The following DGKZ variants were observed in gnomAD, a reference collection of about 807,000 sequenced individuals.
The protein encoded by DGKZ is DAG kinase zeta.
In DGKZ, 45 loss-of-function variants were observed where a neutral mutation model predicts 142.5. The ratio of observed to expected loss-of-function variants is 0.32; its 90% CI spans 0.25 to 0.40. DGKZ has a LOEUF of 0.40. DGKZ is among the 10% of genes least tolerant of loss of function. The pLI, the probability that DGKZ is intolerant of heterozygous loss-of-function variation, is 1.00. For synonymous variants in DGKZ, 442 were observed against 527.0 expected, an observed-to-expected ratio of 0.84 and a Z score of 2.21; for missense variants, 755 against 1,306.5, an observed-to-expected ratio of 0.58 and a Z score of 6.51.
At chr11:46,359,515 A>G (rs1405080129) in intron 1 of DGKZ, among the ~76,000 whole-genome samples, 2 of 152,226 alleles carry the variant, frequency 1.3e-5, no homozygotes, top group Admixed American at 1.3e-4. Flanking sequence ...AGTATTTTCC[A>G]ATGACTGGTG....
Position 46,366,921 on chromosome 11 carries a change from G to A in DGKZ, c.162-370G>A, listed in dbSNP as rs1051860677. On this transcript the variant is annotated intron_variant, in intron 1 of 30. Transcript: ENST00000527911. The stretch of plus-strand genomic sequence containing the variant: ...CCCACCCGTGTGCGCCCACTGTCCC[G>A]CAGGCGCCAGGTAGCCCTACGGCGC... The A allele has an allele frequency of 1.9e-6, 3 of 1,544,198 alleles. No individual in the cohort carries two copies. Among genetic ancestry groups the A allele is most frequent in the East Asian group, 2.4e-5 (1 of 41,548 alleles).
At position 46,372,347 on chromosome 11, in the gene DGKZ, A is replaced by C; in HGVS notation, c.928-81A>C. The C allele has an allele frequency of 6.6e-7, 1 of 1,505,546 alleles. No individual in the cohort carries two copies. Among genetic ancestry groups the C allele is most frequent in the Non-Finnish European group, 9.2e-7 (1 of 1,086,308 alleles). The allele number at this position is 1,505,546 out of a possible 1,614,324, so 93.3% of individuals were successfully genotyped here. A position where few individuals can be genotyped will look rare whatever the true frequency, so the allele number is the denominator to read the frequency against. On this transcript the variant is annotated intron_variant, in intron 10 of 30. Coordinates refer to ENST00000527911, the Ensembl canonical transcript of DGKZ. This position sits in a 1 kb window ranked among gnomAD's most constrained non-coding sequence, Gnocchi z 5.9. ...TCACCCCTTATTGGCCCTGGTTCCCACAGTCACACCCCTCTCCCTCTGCTG... is the reference window on the plus strand; with the variant it reads ...TCACCCCTTATTGGCCCTGGTTCCCCCAGTCACACCCCTCTCCCTCTGCTG...
chr11:46,375,595 A>G, exon 20 of DGKZ: 2 of 1,587,994 alleles, frequency 1.3e-6, no homozygotes, highest in South Asian at 1.1e-5. Context: ...ATGGTGCAGA[A>G]GGCCAAGCGG....
At chr11:46,354,908 T>A (rs1590444363) in intron 1 of DGKZ, among the ~76,000 whole-genome samples, 2 of 152,192 alleles carry the variant, frequency 1.3e-5, no homozygotes, top group South Asian at 4.1e-4. Flanking sequence ...CCGATTCCAT[T>A]GTGTAACAGC....
intron 4 of DGKZ, chr11:46,368,870 G>A: frequency 5.7e-6 from 1 of 175,128 alleles, no homozygotes; most frequent in Non-Finnish European, 1.2e-5. Context: ...TGAGGACCAG[G>A]CTGGCTGCGT....
At chr11:46,345,434 A>C (rs1161571594), upstream of DGKZ, 22 of 1,456,428 alleles carry the variant, frequency 1.5e-5, no homozygotes, top group Non-Finnish European at 1.9e-5. The surrounding 1 kb of genome is among the most constrained non-coding windows in gnomAD (Gnocchi z 4.1). Flanking sequence ...GGCTGGCCAC[A>C]GTGCCGGGGG....
chr11:46,349,353 G>T (rs547149031), intron 1 of DGKZ, among the ~76,000 whole-genome samples: 1 of 152,160 alleles, frequency 6.6e-6, no homozygotes. Flanking sequence ...AGGGAGGGGC[G>T]CCACCAGAGG....
upstream of DGKZ, among the ~76,000 whole-genome samples, chr11:46,344,511 T>C (rs1026183872): frequency 4.7e-5 from 7 of 149,750 alleles, no homozygotes; most frequent in African/African-American, 1.7e-4. Context: ...TGGAGTGCAG[T>C]GGCGCGAACT....
At chr11:46,355,266 G>A (rs564570421) in intron 1 of DGKZ, among the ~76,000 whole-genome samples, 41 of 151,716 alleles carry the variant, frequency 2.7e-4, no homozygotes, top group Admixed American at 7.9e-4. Context: ...CCGCCACCAC[G>A]CCCGGCTAAT....
Position 46,374,228 on chromosome 11 carries a change from G to A in DGKZ, c.1398G>A (p.Glu466=), listed in dbSNP as rs770108882. ...CCCACGTCACCCTGGAGTTCCACGA[G>A]TCTCGAGGTTGGCAGCCTCCCACTG... Residue 466 remains glutamate (E), a synonymous_variant, in exon 15 of 31, where the codon GAG becomes GAA. Transcript: ENST00000527911. The A allele has an allele frequency of 1.7e-5, 28 of 1,614,000 alleles. No individual in the cohort carries two copies. Among genetic ancestry groups the A allele is most frequent in the East Asian group, 4.5e-5 (2 of 44,898 alleles).
At chr11:46,368,391 C>G in intron 4 of DGKZ, 2 of 401,626 alleles carry the variant, frequency 5.0e-6, no homozygotes, top group South Asian at 2.0e-5. Context: ...TTAGAAGAGG[C>G]CATTGATTTG....
At chr11:46,379,351 TGGGCCACCCCTATTGCCCCA>T in intron 29 of DGKZ, 98 bp from the exon 30 acceptor site, 1 of 1,572,640 alleles carries the variant, frequency 6.4e-7, no homozygotes, top group East Asian at 2.2e-5. Flanking sequence ...TGTCATCCCC[TGGGCCACCCCTATTGCCCCA>T]GAGCCCTGAA....
At chr11:46,352,572 C>T (rs1425040170) in intron 1 of DGKZ, among the ~76,000 whole-genome samples, 1 of 152,206 alleles carries the variant, frequency 6.6e-6, no homozygotes, top group African/African-American at 2.4e-5. Flanking sequence ...CTGGGACTCC[C>T]GCGCTGGGCT....
intron 6 of DGKZ, among the ~76,000 whole-genome samples, chr11:46,370,503 A>C (rs1943823740): frequency 6.6e-6 from 1 of 152,346 alleles, no homozygotes; most frequent in Admixed American, 6.5e-5. Flanking sequence ...ACTGATTCTC[A>C]GCGCCTGGCC....
chr11:46,376,614 G>T (rs767073739), intron 24 of DGKZ, 50 bp downstream of exon 24: 29 of 1,610,338 alleles, frequency 1.8e-5, no homozygotes, highest in Non-Finnish European at 2.5e-6. Flanking sequence ...GGGCCCCAGG[G>T]TCGCCTCTCC....
Position 46,379,572 on chromosome 11 carries a change from A to G in DGKZ, c.2688+4A>G. On this transcript the variant is annotated splice_donor_region_variant and intron_variant, in intron 30 of 30. Coordinates refer to ENST00000527911, the Ensembl canonical transcript of DGKZ. ...GCTCATGAAGACAGACCAGCAGGTG[A>G]GCAGACGGCAGGCAGGGAGCCCACG... is the stretch of plus-strand genomic sequence containing the variant. 6.2e-7 allele frequency: 1 copy of G among 1,603,346 alleles called. No individual in the cohort carries two copies. The highest frequency in any genetic ancestry group is 8.5e-7 in the Non-Finnish European group (1 of 1,175,556).
At chr11:46,376,716 G>T (rs1160747466) in intron 24 of DGKZ, 152 bp downstream of exon 24, 1 of 1,031,162 alleles carries the variant, frequency 9.7e-7, no homozygotes, top group African/African-American at 1.6e-5. Flanking sequence ...CATGGACAGC[G>T]TGCGGCCCTG....
intron 4 of DGKZ, 127 bp downstream of exon 4, chr11:46,368,206 T>A: frequency 1.0e-6 from 1 of 977,062 alleles, no homozygotes; most frequent in Non-Finnish European, 1.6e-6. Context: ...GGGTGAAGAG[T>A]CAAGGACCCT....
chr11:46,343,373 G>A (rs1457267819), upstream of DGKZ, among the ~76,000 whole-genome samples: 2 of 152,162 alleles, frequency 1.3e-5, no homozygotes, highest in African/African-American at 4.8e-5. Flanking sequence ...GGTGATTACA[G>A]CACCAGATGG....
Sources: gnomAD v4.1 joint callset for allele counts (sites outside exome capture counted in the v4.1 genomes callset) on GRCh38, gnomAD v4.1.1 for gene constraint, Gnocchi (gnomAD v3.1) non-coding constraint, MANE v1.5 for transcripts, NCBI Gene and HGNC (gene_info 2026-07-23, HGNC 2026-07-21) for gene names.